The following PCSK5 variants were observed in gnomAD, a reference collection of about 807,000 sequenced individuals.
PCSK5 encodes the protein proprotein convertase subtilisin/kexin type 5, also known as prohormone convertase 5.
PCSK5 carries 129 observed loss-of-function variants against 233.2 expected under a neutral mutation model. That is an observed-to-expected ratio of 0.55 (90% confidence interval 0.48 to 0.64). PCSK5 has a LOEUF of 0.64. Among genes scored for constraint, PCSK5 ranks in the 30% least tolerant of loss-of-function variants. PCSK5 has a pLI of 0.00. For synonymous variants in PCSK5, 825 were observed against 879.2 expected, an observed-to-expected ratio of 0.94 and a Z score of 1.09; for missense variants, 2,076 against 2,430.1, an observed-to-expected ratio of 0.85 and a Z score of 3.06.
chr9:76,031,783 GTTATTA>G (rs957442576), intron 5 of PCSK5, among the ~76,000 whole-genome samples: 6 of 151,972 alleles, frequency 3.9e-5, no homozygotes, highest in Admixed American at 6.5e-5. Flanking sequence ...AATTACAGTT[GTTATTA>G]TTATAATTGT....
chr9:76,125,995 A>G (rs1832835076), intron 9 of PCSK5, among the ~76,000 whole-genome samples: 1 of 152,230 alleles, frequency 6.6e-6, no homozygotes, highest in African/African-American at 2.4e-5. Flanking sequence ...ACCCCTCATT[A>G]TCAGGGATTC....
intron 12 of PCSK5, among the ~76,000 whole-genome samples, chr9:76,166,425 T>G (rs1184616256): frequency 6.6e-6 from 1 of 152,166 alleles, no homozygotes; most frequent in Non-Finnish European, 1.5e-5. Flanking sequence ...GATTTGAAAG[T>G]GATTGGTAGC....
At chr9:76,109,559 TG>T (rs144066539) in intron 9 of PCSK5, among the ~76,000 whole-genome samples, 6 of 101,468 alleles carry the variant, frequency 5.9e-5, no homozygotes, top group South Asian at 6.8e-4. Flanking sequence ...AGACTACAAT[TG>T]TTTTTTTTTT....
chr9:76,298,266 T>C (rs547957637), intron 27 of PCSK5, among the ~76,000 whole-genome samples: 44 of 152,172 alleles, frequency 2.9e-4, no homozygotes, highest in African/African-American at 1.0e-3. Context: ...GTGGTTCCCT[T>C]TTGTCGAAGC....
At chr9:76,129,792 A>G (rs746684778) in intron 9 of PCSK5, among the ~76,000 whole-genome samples, 22 of 152,146 alleles carry the variant, frequency 1.4e-4, no homozygotes, top group Non-Finnish European at 2.8e-4. Context: ...TGTCTCTCTT[A>G]GGAGATGTCC....
At chr9:76,315,642 CTTT>C (rs34118608) in intron 30 of PCSK5, among the ~76,000 whole-genome samples, 3 of 114,570 alleles carry the variant, frequency 2.6e-5, no homozygotes. Context: ...GAGAAGACTA[CTTT>C]TTTTTTTTTT....
intron 3 of PCSK5, among the ~76,000 whole-genome samples, chr9:75,992,269 T>C (rs1826800768): frequency 6.6e-6 from 1 of 152,160 alleles, no homozygotes. Context: ...TTCTCCCTTG[T>C]TGGTGGGAGG....
intron 1 of PCSK5, among the ~76,000 whole-genome samples, chr9:75,913,776 T>C (rs1822859642): frequency 6.6e-6 from 1 of 152,152 alleles, no homozygotes; most frequent in African/African-American, 2.4e-5. Flanking sequence ...AATACTGAAA[T>C]AAGTTACAGA....
chr9:76,011,078 G>A (rs1827711218), intron 3 of PCSK5, among the ~76,000 whole-genome samples: 1 of 152,168 alleles, frequency 6.6e-6, no homozygotes. Context: ...AAAGCAAGTT[G>A]CTTGGTTAGA....
intron 35 of PCSK5, among the ~76,000 whole-genome samples, chr9:76,340,837 A>T (rs1304873450): frequency 6.6e-6 from 1 of 151,780 alleles, no homozygotes; most frequent in Non-Finnish European, 1.5e-5. Context: ...TCATTCCCTG[A>T]CTTGTTTTAG....
chr9:76,189,054 G>GGTTTTATTTCT (rs1413769032), intron 18 of PCSK5, 40 bp from the exon 19 acceptor site: 19 of 1,602,508 alleles, frequency 1.2e-5, no homozygotes, highest in Non-Finnish European at 1.6e-5. Flanking sequence ...CCTCCTCTGA[G>GGTTTTATTTCT]GTTTTATTTC....
chr9:76,081,284 T>G (rs7875156), intron 7 of PCSK5, among the ~76,000 whole-genome samples: 10,414 of 151,980 alleles, frequency 0.069, 394 homozygotes, highest in Admixed American at 0.093. Flanking sequence ...TGAGACCCTG[T>G]CTCTACTAAA....
chr9:75,997,986 A>G (rs751685228), intron 3 of PCSK5, among the ~76,000 whole-genome samples: 2 of 152,196 alleles, frequency 1.3e-5, no homozygotes, highest in Non-Finnish European at 2.9e-5. Flanking sequence ...TGATCCAGAC[A>G]TTCAAAATTA....
chr9:76,272,470 C>A (rs976544533), intron 24 of PCSK5, among the ~76,000 whole-genome samples: 1 of 151,940 alleles, frequency 6.6e-6, no homozygotes, highest in African/African-American at 2.4e-5. Flanking sequence ...CTTCCCATGG[C>A]CGTGGATAAA....
intron 7 of PCSK5, among the ~76,000 whole-genome samples, chr9:76,078,655 G>T (rs985368211): frequency 2.6e-5 from 4 of 152,004 alleles, no homozygotes; most frequent in Non-Finnish European, 5.9e-5. Flanking sequence ...TTTATTTCTG[G>T]ATTCTCTATT....
At chr9:76,232,718 G>A (rs926439091) in intron 21 of PCSK5, among the ~76,000 whole-genome samples, 1 of 152,178 alleles carries the variant, frequency 6.6e-6, no homozygotes, top group Non-Finnish European at 1.5e-5. Flanking sequence ...CGATTAGTTT[G>A]CAAAGAATAA....
rs566151615 is a variant in PCSK5, at chr9:76,232,240, T to C, written c.2730-1220T>C. On this transcript the variant is annotated intron_variant, in intron 21 of 37. Coordinates refer to ENST00000674117, the MANE Select transcript of PCSK5 (RefSeq NM_001372043.1). ...GGTGTCCAGCATAAGTGGAGAGGAG[T>C]AGTAGAGAGAAAAAGACATCCTTCC... 6.6e-5 allele frequency among the ~76,000 whole-genome samples: 10 copies of C among 151,776 alleles called. No homozygotes were observed. The East Asian group carries it at 1.5e-3, about 23-fold the overall frequency.
chr9:75,989,374 G>A (rs1390557016), intron 3 of PCSK5, among the ~76,000 whole-genome samples: 1 of 152,100 alleles, frequency 6.6e-6, no homozygotes, highest in Non-Finnish European at 1.5e-5. Flanking sequence ...TGCTCCTGTG[G>A]TCCCAGCTAC....
At chr9:76,334,279 G>A (rs1829616984) in intron 34 of PCSK5, among the ~76,000 whole-genome samples, 1 of 152,212 alleles carries the variant, frequency 6.6e-6, no homozygotes, top group South Asian at 2.1e-4. Context: ...ATTTGGGTGA[G>A]ACACAGAACC....
Sources: gnomAD v4.1 joint callset for allele counts (sites outside exome capture counted in the v4.1 genomes callset) on GRCh38, gnomAD v4.1.1 for gene constraint, MANE v1.5 for transcripts, NCBI Gene and HGNC (gene_info 2026-07-23, HGNC 2026-07-21) for gene names.